Variants in CFAP96 observed in about 807,000 individuals in gnomAD.
CFAP96 encodes the protein cilia-and flagella-associated protein 96.
At chr4:185,413,812 AAGC>A in the CFAP96 span, 1 of 1,613,314 alleles carries the variant, frequency 6.2e-7, no homozygotes, top group Non-Finnish European at 8.5e-7. Context: ...GGAAAGTGAT[AAGC>A]ATTAGACCTT....
chr4:185,431,643 A>G, the CFAP96 span, among the ~76,000 whole-genome samples: 1 of 152,200 alleles, frequency 6.6e-6, no homozygotes, highest in Non-Finnish European at 1.5e-5. Flanking sequence ...CATCTCACAC[A>G]TGACCTACGC....
At chr4:185,432,084 G>C in the CFAP96 span, 1 of 1,551,680 alleles carries the variant, frequency 6.4e-7, no homozygotes, top group Non-Finnish European at 8.7e-7. Flanking sequence ...CATTTTGTAA[G>C]GATTTTTGAA....
chr4:185,444,947 C>T, the CFAP96 span: 87,949 of 1,539,682 alleles, frequency 0.057, 2,838 homozygotes, highest in South Asian at 0.084. Flanking sequence ...ATTAAGTTGT[C>T]TCGTTTTTCT....
chr4:185,448,257 G>T, the CFAP96 span, among the ~76,000 whole-genome samples: 1 of 152,146 alleles, frequency 6.6e-6, no homozygotes, highest in Non-Finnish European at 1.5e-5. Flanking sequence ...CTGACCTCAG[G>T]TGATCCGCCC....
At chr4:185,427,959 GCCTGTAATC>G in the CFAP96 span, among the ~76,000 whole-genome samples, 2 of 150,984 alleles carry the variant, frequency 1.3e-5, no homozygotes, top group African/African-American at 4.9e-5. Flanking sequence ...GGTGGCAGAC[GCCTGTAATC>G]CCAGCTACTT....
At chr4:185,418,047 A>AACACACATACACACACAC in the CFAP96 span, among the ~76,000 whole-genome samples, 1 of 142,954 alleles carries the variant, frequency 7.0e-6, no homozygotes, top group Non-Finnish European at 1.5e-5. Context: ...TCCATCTCAA[A>AACACACATACACACACAC]ACACACACAC....
the CFAP96 span, chr4:185,445,154 T>G: frequency 6.5e-7 from 1 of 1,533,212 alleles, no homozygotes. Flanking sequence ...ACACTTAGCT[T>G]ACAAACTAAG....
At chr4:185,439,668 TAA>T in the CFAP96 span, among the ~76,000 whole-genome samples, 1 of 151,094 alleles carries the variant, frequency 6.6e-6, no homozygotes, top group Admixed American at 6.6e-5. Context: ...GATTACAACA[TAA>T]GAGGAAAACA....
At chr4:185,415,688 G>A in the CFAP96 span, 2 of 1,594,014 alleles carry the variant, frequency 1.3e-6, no homozygotes, top group Non-Finnish European at 1.7e-6. Flanking sequence ...AAATGTGGCA[G>A]TGGTACTATA....
At chr4:185,449,557 C>T in the CFAP96 span, 8 of 1,309,242 alleles carry the variant, frequency 6.1e-6, no homozygotes, top group Non-Finnish European at 8.5e-6. Context: ...ATTTGACTTG[C>T]ACCTATAAAA....
the CFAP96 span, chr4:185,445,431 A>G: frequency 2.8e-6 from 3 of 1,075,914 alleles, no homozygotes; most frequent in African/African-American, 1.6e-5. Flanking sequence ...TTAGATATGC[A>G]TAGTTCAGTT....
chr4:185,425,943 C>T, the CFAP96 span: 5 of 1,536,484 alleles, frequency 3.3e-6, no homozygotes, highest in Admixed American at 2.0e-5. Context: ...AGTGGTGTCA[C>T]CGCACGGCCC....
At chr4:185,425,798 G>A in the CFAP96 span, 1 of 1,572,912 alleles carries the variant, frequency 6.4e-7, no homozygotes, top group South Asian at 1.2e-5. Flanking sequence ...GCGCTGTGAA[G>A]CCCGCTCGTG....
the CFAP96 span, among the ~76,000 whole-genome samples, chr4:185,434,698 C>T: frequency 5.3e-5 from 8 of 152,234 alleles, no homozygotes; most frequent in South Asian, 4.1e-4. Context: ...CTATAAGACA[C>T]TTATTGAACA....
chr4:185,416,555 A>C, the CFAP96 span, among the ~76,000 whole-genome samples: 1 of 152,190 alleles, frequency 6.6e-6, no homozygotes, highest in East Asian at 1.9e-4. Context: ...CTAGGGTTGA[A>C]GTGGAACTGG....
At chr4:185,425,707 A>C in the CFAP96 span, among the ~76,000 whole-genome samples, 3 of 152,164 alleles carry the variant, frequency 2.0e-5, no homozygotes, top group Non-Finnish European at 4.4e-5. Context: ...CCCAGCGCGG[A>C]GACAGGCGAA....
At chr4:185,425,867 A>G in the CFAP96 span, 1 of 1,604,106 alleles carries the variant, frequency 6.2e-7, no homozygotes. Flanking sequence ...GATACTCACC[A>G]TGTCCGCGAC....
chr4:185,441,785 T>G, the CFAP96 span, among the ~76,000 whole-genome samples: 2 of 151,916 alleles, frequency 1.3e-5, no homozygotes, highest in Non-Finnish European at 2.9e-5. Flanking sequence ...TTATTTAGTT[T>G]GGGGGCATGA....
chr4:185,443,342 A>ATATATATATATATATATATATATATATTT, the CFAP96 span, among the ~76,000 whole-genome samples: 1 of 26,724 alleles, frequency 3.7e-5, no homozygotes, highest in African/African-American at 1.2e-4. Flanking sequence ...ATATATATAT[A>ATATATATATATATATATATATATATATTT]TTTTTTTTTT....
Sources: gnomAD v4.1 joint callset for allele counts (sites outside exome capture counted in the v4.1 genomes callset) on GRCh38, gnomAD v4.1.1 for gene constraint, MANE v1.5 for transcripts, NCBI Gene and HGNC (gene_info 2026-07-23, HGNC 2026-07-21) for gene names.